ALDH1L2: variants seen among roughly 807,000 people sequenced by gnomAD.
ALDH1L2 encodes the protein mitochondrial 10-formyltetrahydrofolate dehydrogenase.
ALDH1L2 carries 91 observed loss-of-function variants against 111.0 expected under a neutral mutation model. The observed-to-expected ratio is 0.82, with a 90% CI of 0.69 to 0.98. The LOEUF (loss-of-function observed/expected upper bound fraction) is 0.98, where lower values mean the gene tolerates loss of function less well. Ranked by LOEUF, ALDH1L2 falls within the 50% of genes least tolerant of loss-of-function variation. ALDH1L2 has a pLI of 0.00. For missense variants in ALDH1L2, 995 were observed against 1,126.8 expected, an observed-to-expected ratio of 0.88 and a Z score of 1.67; for synonymous variants, 374 against 392.6, an observed-to-expected ratio of 0.95 and a Z score of 0.56.
chr12:105,063,442 C>T (rs1163632661), intron 6 of ALDH1L2, among the ~76,000 whole-genome samples: 1 of 151,074 alleles, frequency 6.6e-6, no homozygotes, highest in East Asian at 1.9e-4. Flanking sequence ...TGCCATTGCA[C>T]TCCAGCCTGG....
intron 18 of ALDH1L2, among the ~76,000 whole-genome samples, chr12:105,036,420 TTATA>T (rs1875095680): frequency 3.2e-5 from 2 of 61,888 alleles, no homozygotes; most frequent in South Asian, 1.3e-3. Context: ...ATACGTATAT[TTATA>T]TATGTGTATA....
intron 4 of ALDH1L2, among the ~76,000 whole-genome samples, chr12:105,068,028 T>C (rs974471441): frequency 6.6e-6 from 1 of 152,198 alleles, no homozygotes; most frequent in Non-Finnish European, 1.5e-5. Flanking sequence ...AGAGGTAGAA[T>C]GGAAACTTGA....
At chr12:105,029,417 G>A (rs1874587628) in intron 21 of ALDH1L2, among the ~76,000 whole-genome samples, 1 of 152,110 alleles carries the variant, frequency 6.6e-6, no homozygotes, top group Non-Finnish European at 1.5e-5. Flanking sequence ...CTGACCCTCT[G>A]TGGACTAACT....
chr12:105,037,700 A>C (rs995190066), intron 18 of ALDH1L2, among the ~76,000 whole-genome samples: 1 of 152,196 alleles, frequency 6.6e-6, no homozygotes, highest in Non-Finnish European at 1.5e-5. Flanking sequence ...ACAAAACCCA[A>C]ATCTCATTTA....
Position 105,024,342 on chromosome 12 carries a change from G to T in ALDH1L2, c.*82C>A. The T allele has an allele frequency of 6.5e-7, 1 of 1,537,286 alleles. No individual in the cohort carries two copies. Among genetic ancestry groups the T allele is most frequent in the Non-Finnish European group, 9.0e-7 (1 of 1,114,022 alleles). ...TTTTGGTTTGTGGCTGACACCTCCT[G>T]CCTCAACACACCCAATCTTCTTAAG... On this transcript the variant is annotated 3_prime_UTR_variant, in exon 23 of 23. Coordinates refer to ENST00000258494, the MANE Select transcript of ALDH1L2 (RefSeq NM_001034173.4).
intron 1 of ALDH1L2, among the ~76,000 whole-genome samples, chr12:105,083,966 T>C (rs770717106): frequency 3.9e-5 from 6 of 152,108 alleles, no homozygotes; most frequent in Non-Finnish European, 7.4e-5. Context: ...GAGGACCCTA[T>C]TGACTTGATA....
Position 105,046,181 on chromosome 12 carries a change from CTCTCTCTCTCTCTATATATATA to C in ALDH1L2, c.1863+507_1863+528del, listed in dbSNP as rs1438040218. On this transcript the variant is annotated intron_variant, in intron 15 of 22. Coordinates refer to ENST00000258494, the MANE Select transcript of ALDH1L2 (RefSeq NM_001034173.4). ...TCTCTCTCTCTCTCTCTCTCTCTCTCTCTCTCTCTCTCTATATATATATATATATATATATATATATTTTTTT... is the reference window on the plus strand; with the variant it reads ...TCTCTCTCTCTCTCTCTCTCTCTCTCTATATATATATATATATATTTTTTT... Among the ~76,000 whole-genome samples the C allele has an allele frequency of 7.2e-4, 19 of 26,348 alleles. No homozygotes were observed. The East Asian group carries it at 0.012, about 17-fold the overall frequency. 17.3% of individuals were successfully genotyped at this position (26,348 alleles called of 152,430 possible). A position where few individuals can be genotyped will look rare whatever the true frequency, so the allele number is the denominator to read the frequency against.
At chr12:105,082,641 G>A (rs770660084) in intron 1 of ALDH1L2, among the ~76,000 whole-genome samples, 1 of 152,168 alleles carries the variant, frequency 6.6e-6, no homozygotes, top group African/African-American at 2.4e-5. Context: ...TGGCAATTAT[G>A]AATAAAACCT....
In ALDH1L2 at chr12:105,058,043, T is replaced by C. The variant is rs771613980; in HGVS notation, c.1287+30A>G. Reference sequence around the variant, plus strand: ...TTTATAGTGTATGGATCTCACTGATTTAGGGTTGCAACATCAAGGAAAAGC... The same window carrying C: ...TTTATAGTGTATGGATCTCACTGATCTAGGGTTGCAACATCAAGGAAAAGC... On this transcript the variant is annotated intron_variant, in intron 10 of 22. Transcript: ENST00000258494. 11 of 1,603,612 alleles carry C rather than the reference T, an allele frequency of 6.9e-6. No homozygotes were observed. In the East Asian group the frequency reaches 2.2e-4, roughly 33 times the overall value.
intron 6 of ALDH1L2, 137 bp downstream of exon 6, chr12:105,065,129 CT>C (rs1565968231): frequency 2.2e-6 from 1 of 459,154 alleles, no homozygotes; most frequent in Non-Finnish European, 4.1e-6. Flanking sequence ...TTAATACATG[CT>C]GAGTAAAGGG....
intron 4 of ALDH1L2, among the ~76,000 whole-genome samples, chr12:105,067,983 G>T (rs1877473167): frequency 6.6e-6 from 1 of 152,170 alleles, no homozygotes; most frequent in African/African-American, 2.4e-5. Flanking sequence ...AAGCTACAGA[G>T]GCTAAGCGAC....
rs757379092 is a variant in ALDH1L2, at chr12:105,063,002, C to T, written c.807G>A (p.Ser269=). ...GAGGCACAGAGCTATTCAGTAATGT[C>T]GAGCCATAGAAAGTGACCATCTAGT... ...INGQMVTFYG[S]TLLNSSVPPG... is the part of the protein sequence containing the mutation. The change falls in exon 7 of 23, where the codon TCG becomes TCA. Residue 269 remains serine (S), a synonymous_variant. Coordinates refer to ENST00000258494, the MANE Select transcript of ALDH1L2 (RefSeq NM_001034173.4). The T allele has an allele frequency of 8.7e-6, 14 of 1,613,246 alleles. No homozygotes were observed. The South Asian group carries it at 8.8e-5, about 10-fold the overall frequency.
intron 9 of ALDH1L2, 65 bp downstream of exon 9, chr12:105,060,916 T>C: frequency 6.7e-7 from 1 of 1,481,886 alleles, no homozygotes; most frequent in Non-Finnish European, 9.4e-7. Flanking sequence ...GATTTCACTG[T>C]CAAAGCCAAA....
rs1386701313 is a variant in ALDH1L2 at position 105,084,391 on chromosome 12, G to C, written c.46C>G (p.Arg16Gly). ...SQALRRFSTG[R>G]VYFKNKLKLA... ...ACGCTCGCCCGGGCCGGACTCACCC[G>C]GCCAGTGGAGAAGCGCCGGAGCGCC... The change falls in exon 1 of 23, where the codon CGG becomes GGG. Residue 16 changes from arginine to glycine, a missense_variant and splice_region_variant. Arg to Gly is a moderately radical substitution (Grantham distance 125). Transcript: ENST00000258494. 7.2e-7 allele frequency: 1 copy of C among 1,395,402 alleles called. No homozygotes were observed. The highest frequency in any genetic ancestry group is 9.4e-7 in the Non-Finnish European group (1 of 1,066,340). 86.4% of individuals were successfully genotyped at this position (1,395,402 alleles called of 1,614,324 possible). A position where few individuals can be genotyped will look rare whatever the true frequency, so the allele number is the denominator to read the frequency against.
intron 1 of ALDH1L2, among the ~76,000 whole-genome samples, chr12:105,074,592 A>G (rs1380380901): frequency 1.3e-5 from 2 of 151,954 alleles, no homozygotes; most frequent in African/African-American, 4.8e-5. Context: ...ACATTCTTCC[A>G]TGTTAGCATG....
intron 10 of ALDH1L2, among the ~76,000 whole-genome samples, chr12:105,054,564 C>G (rs900712057): frequency 6.6e-6 from 1 of 152,176 alleles, no homozygotes; most frequent in African/African-American, 2.4e-5. Flanking sequence ...AAACCAGCAG[C>G]CTAGTAGCCT....
chr12:105,052,357 A>G, intron 11 of ALDH1L2, 140 bp from the exon 12 acceptor site: 1 of 851,688 alleles, frequency 1.2e-6, no homozygotes, highest in Non-Finnish European at 1.6e-6. Flanking sequence ...ATCTAGTACT[A>G]CAGTAAAGAA....
intron 9 of ALDH1L2, 112 bp downstream of exon 9, chr12:105,060,869 G>T: frequency 2.4e-5 from 16 of 677,248 alleles, no homozygotes; most frequent in Non-Finnish European, 3.3e-5. Flanking sequence ...AGATAGGTAT[G>T]ATAAGGTAAT....
chr12:105,039,875 A>T, intron 16 of ALDH1L2, 69 bp from the exon 17 acceptor site: 1 of 1,388,756 alleles, frequency 7.2e-7, no homozygotes, highest in Non-Finnish European at 1.0e-6. Context: ...TTACGCCTGT[A>T]ATCCCCGCAC....
Sources: gnomAD v4.1 joint callset for allele counts (sites outside exome capture counted in the v4.1 genomes callset) on GRCh38, gnomAD v4.1.1 for gene constraint, MANE v1.5 for transcripts, NCBI Gene and HGNC (gene_info 2026-07-23, HGNC 2026-07-21) for gene names.